Variants in MTMR10 observed in about 807,000 individuals in gnomAD.
The protein encoded by MTMR10 is myotubularin related protein 10, also known as myotubularin-related protein 10.
In MTMR10, 56 loss-of-function variants were observed where a neutral mutation model predicts 88.1. The ratio of observed to expected loss-of-function variants is 0.64; its 90% CI spans 0.51 to 0.79. MTMR10 has a LOEUF of 0.79. MTMR10 is among the 30% of genes least tolerant of loss of function. The pLI is 0.00. For missense variants in MTMR10, 883 were observed against 924.7 expected (o/e 0.95, Z 0.58); for synonymous variants, 380 against 340.9 (o/e 1.11, Z -1.26).
intron 14 of MTMR10, chr15:30,943,979 AT>A (rs2063127878): frequency 1.0e-6 from 1 of 985,302 alleles, no homozygotes; most frequent in South Asian, 4.7e-5. Context: ...GAAATGTCTG[AT>A]TCTTTGTTCT....
At position 30,953,551 on chromosome 15, in the gene MTMR10, G is replaced by T; in HGVS notation, c.1136+11C>A. 1 of 1,517,136 alleles carries T rather than the reference G, an allele frequency of 6.6e-7. No individual in the cohort carries two copies. Among genetic ancestry groups the T allele is most frequent in the Non-Finnish European group, 8.9e-7 (1 of 1,122,060 alleles). 94.0% of individuals were successfully genotyped at this position (1,517,136 alleles called of 1,614,324 possible). A position where few individuals can be genotyped will look rare whatever the true frequency, so the allele number is the denominator to read the frequency against. Reference sequence around the variant, plus strand: ...AAAAGTTAAAGGAAAAGAAAGTAAAGAAGTACAAACCTTACATATTCTAAC... The same window carrying T: ...AAAAGTTAAAGGAAAAGAAAGTAAATAAGTACAAACCTTACATATTCTAAC... On this transcript the variant is annotated intron_variant, in intron 11 of 15. Transcript: ENST00000435680.
At chr15:30,967,242 T>C (rs1035412073) in intron 6 of MTMR10, among the ~76,000 whole-genome samples, 1 of 152,156 alleles carries the variant, frequency 6.6e-6, no homozygotes, top group Non-Finnish European at 1.5e-5. Context: ...GCTCTTTGTT[T>C]TTCTCTATCA....
chr15:30,950,844 C>T (rs1242933374), intron 12 of MTMR10, among the ~76,000 whole-genome samples: 1 of 152,140 alleles, frequency 6.6e-6, no homozygotes, highest in Non-Finnish European at 1.5e-5. Context: ...TTAATATTTG[C>T]ATATAACCTA....
chr15:30,942,926 T>C lies in MTMR10; in HGVS notation c.1695A>G (p.Ile565Met). The change falls in exon 15 of 16, where the codon ATA becomes ATG. Residue 565 changes from isoleucine to methionine, a missense_variant. By Grantham distance (10) the Ile-to-Met change is conservative (BLOSUM62 1). Coordinates refer to ENST00000435680, the MANE Select transcript of MTMR10 (RefSeq NM_017762.3). ...PFYIGKSTPC[I>M]QNGSVKSFKR... is the part of the protein sequence containing the mutation. ...TAAAAGACTTCACGGAGCCATTCTG[T>C]ATACAAGGTGTGCTCTTTCCAATGT... is the stretch of plus-strand genomic sequence containing the variant. The C allele has an allele frequency of 6.4e-7, 1 of 1,568,656 alleles. No homozygotes were observed. The highest frequency in any genetic ancestry group is 8.7e-7 in the Non-Finnish European group (1 of 1,154,504).
At chr15:30,982,782 G>A (rs775931226) in intron 2 of MTMR10, among the ~76,000 whole-genome samples, 4 of 152,278 alleles carry the variant, frequency 2.6e-5, no homozygotes, top group Middle Eastern at 6.8e-3. Flanking sequence ...GGATCATGTA[G>A]CACAGCTGTC....
chr15:30,937,644 G>A (rs182785240), downstream of MTMR10, among the ~76,000 whole-genome samples: 18 of 151,526 alleles, frequency 1.2e-4, no homozygotes, highest in African/African-American at 4.4e-4. Context: ...TAGAGACGGG[G>A]TTTCACCATG....
intron 12 of MTMR10, among the ~76,000 whole-genome samples, chr15:30,951,188 G>C (rs924792096): frequency 6.6e-6 from 1 of 152,182 alleles, no homozygotes; most frequent in Non-Finnish European, 1.5e-5. Flanking sequence ...TTAACTGAAA[G>C]ATTTTTACAT....
At chr15:30,943,129 T>C in intron 14 of MTMR10, 57 bp from the exon 15 acceptor site, 1 of 1,503,552 alleles carries the variant, frequency 6.7e-7, no homozygotes, top group Admixed American at 2.2e-5. Flanking sequence ...TGAATGCCTT[T>C]TTTCAGATGA....
chr15:30,968,043 T>C lies in MTMR10; in HGVS notation c.475-33A>G, dbSNP rs766257651. The C allele has an allele frequency of 3.5e-6, 5 of 1,446,248 alleles. No individual in the cohort carries two copies. The Admixed American group carries it at 8.0e-5, about 23-fold the overall frequency. The allele number at this position is 1,446,248 out of a possible 1,614,324, so 89.6% of individuals were successfully genotyped here. On this transcript the variant is annotated intron_variant, in intron 5 of 15. Transcript: ENST00000435680. ...AAATTCTACATTTAGAATTTGATTT[T>C]AACACACTTAGTTAAATGAAATGTA...
intron 5 of MTMR10, among the ~76,000 whole-genome samples, chr15:30,969,732 A>C (rs1372513442): frequency 6.6e-6 from 1 of 152,122 alleles, no homozygotes; most frequent in Non-Finnish European, 1.5e-5. Context: ...CTCATTCTTG[A>C]TTCTTCACAA....
At chr15:30,962,319 T>C (rs568670556) in intron 6 of MTMR10, among the ~76,000 whole-genome samples, 1 of 152,302 alleles carries the variant, frequency 6.6e-6, no homozygotes, top group African/African-American at 2.4e-5. Flanking sequence ...GCACAACCCA[T>C]TCTGGCCCAG....
At chr15:30,938,100 C>T (rs1001913823), downstream of MTMR10, among the ~76,000 whole-genome samples, 11 of 151,660 alleles carry the variant, frequency 7.3e-5, no homozygotes, top group Admixed American at 7.2e-4. Flanking sequence ...AGGAGGATGG[C>T]GTGAACCCGG....
At chr15:30,938,399 T>C (rs1466018354), downstream of MTMR10, among the ~76,000 whole-genome samples, 1 of 152,216 alleles carries the variant, frequency 6.6e-6, no homozygotes, top group South Asian at 2.1e-4. Flanking sequence ...ATTTATAACA[T>C]GTAAATGCTT....
chr15:30,966,093 C>G, intron 6 of MTMR10: 1 of 451,686 alleles, frequency 2.2e-6, no homozygotes, highest in Non-Finnish European at 4.5e-6. Context: ...GGAATCTTAA[C>G]AAAACTATGG....
intron 5 of MTMR10, among the ~76,000 whole-genome samples, chr15:30,973,654 TGCTGCAGCACAGACTGGAACGGGG>T (rs1346035022): frequency 6.6e-6 from 1 of 152,118 alleles, no homozygotes; most frequent in Non-Finnish European, 1.5e-5. Context: ...ACTCTGCATT[TGCTGCAGCACAGACTGGAACGGGG>T]GCCATATTAG....
intron 6 of MTMR10, among the ~76,000 whole-genome samples, chr15:30,963,301 T>G (rs2063428347): frequency 6.6e-6 from 1 of 152,110 alleles, no homozygotes. Context: ...GGTATCAGAA[T>G]TATCCAGTGA....
chr15:30,978,890 G>C (rs2030352243), intron 2 of MTMR10, among the ~76,000 whole-genome samples: 1 of 132,740 alleles, frequency 7.5e-6, no homozygotes, highest in Admixed American at 8.2e-5. Flanking sequence ...AAAAATTTAA[G>C]ATGACCAAAT....
chr15:30,926,534 T>G, the MTMR10 span: 1 of 670,322 alleles, frequency 1.5e-6, no homozygotes, highest in South Asian at 6.7e-5. Context: ...AACCACAAGA[T>G]AGGAGTTTAC....
chr15:30,950,539 G>A (rs2063229793), intron 12 of MTMR10, among the ~76,000 whole-genome samples: 1 of 152,046 alleles, frequency 6.6e-6, no homozygotes, highest in Non-Finnish European at 1.5e-5. Flanking sequence ...GCGTGGTGGT[G>A]CATGCTTGTA....
Sources: gnomAD v4.1 joint callset for allele counts (sites outside exome capture counted in the v4.1 genomes callset) on GRCh38, gnomAD v4.1.1 for gene constraint, MANE v1.5 for transcripts, NCBI Gene and HGNC (gene_info 2026-07-23, HGNC 2026-07-21) for gene names.